The following CD84 variants were observed in gnomAD, a reference collection of about 807,000 sequenced individuals.
CD84 encodes the protein CD84 molecule, also known as SLAM family member 5.
A neutral mutation model predicts 33.8 loss-of-function variants in CD84; 22 were observed. The ratio of observed to expected loss-of-function variants is 0.65; its 90% confidence interval spans 0.46 to 0.93. The LOEUF (loss-of-function observed/expected upper bound fraction) is 0.93, where lower values mean the gene tolerates loss of function less well. Among genes scored for constraint, CD84 ranks in the 40% least tolerant of loss-of-function variants. CD84 has a pLI of 0.00. For missense variants in CD84, 400 were observed against 397.6 expected (o/e 1.01, Z -0.05); for synonymous variants, 154 against 145.2 (o/e 1.06, Z -0.44).
intron 1 of CD84, among the ~76,000 whole-genome samples, chr1:160,573,898 A>G (rs186641894): frequency 1.1e-4 from 16 of 152,218 alleles, no homozygotes; most frequent in Admixed American, 2.0e-4. Context: ...CCAGCCTGGG[A>G]AACACAATGA....
intron 1 of CD84, among the ~76,000 whole-genome samples, chr1:160,576,123 G>A (rs1657979798): frequency 6.6e-6 from 1 of 152,092 alleles, no homozygotes; most frequent in African/African-American, 2.4e-5. Flanking sequence ...ACCCCTCAAT[G>A]CAAGGACTTC....
At position 160,569,829 on chromosome 1, in the gene CD84, A is replaced by G. The variant is rs542909994; in HGVS notation, c.47-4084T>C. Reference sequence around the variant, plus strand: ...AACCTGTGATGTTAATTGGATGAATATAGATTTGCATATCAGAGTGGGGAG... The same window carrying G: ...AACCTGTGATGTTAATTGGATGAATGTAGATTTGCATATCAGAGTGGGGAG... On this transcript the variant is annotated intron_variant, in intron 1 of 6. Transcript: ENST00000368054. Among the ~76,000 whole-genome samples, 38 of 152,330 alleles carry G rather than the reference A, an allele frequency of 2.5e-4. 1 individual carries two copies. In the South Asian group the frequency reaches 6.8e-3, roughly 27 times the overall value.
At chr1:160,565,814 C>T in intron 1 of CD84, 69 bp from the exon 2 acceptor site, 7 of 1,350,260 alleles carry the variant, frequency 5.2e-6, no homozygotes, top group Non-Finnish European at 6.9e-6. Flanking sequence ...ATCTTTTTGG[C>T]CTTGGAGCTC....
In CD84 at chr1:160,579,472, G is replaced by A. The variant is rs747083023; in HGVS notation, c.-35C>T. 22 of 1,611,854 alleles carry A rather than the reference G, an allele frequency of 1.4e-5. No homozygotes were observed. Among genetic ancestry groups the A allele is most frequent in the South Asian group, 5.5e-5 (5 of 90,870 alleles). On this transcript the variant is annotated 5_prime_UTR_variant, in exon 1 of 7. Coordinates refer to ENST00000368054, the MANE Select transcript of CD84 (RefSeq NM_003874.4). Reference sequence around the variant, plus strand: ...GGTCTAACCTTCTGTGGAAAAGCACGGCACTGTTCTAGCAGAGTCAGTTTC... The same window carrying A: ...GGTCTAACCTTCTGTGGAAAAGCACAGCACTGTTCTAGCAGAGTCAGTTTC...
chr1:160,574,733 C>T (rs1657895407), intron 1 of CD84, among the ~76,000 whole-genome samples: 1 of 152,134 alleles, frequency 6.6e-6, no homozygotes, highest in Admixed American at 6.6e-5. Context: ...AGTCAGTAAC[C>T]TCTCTGTGCC....
intron 5 of CD84, 147 bp from the exon 6 acceptor site, chr1:160,550,126 A>G: frequency 1.5e-6 from 1 of 682,026 alleles, no homozygotes; most frequent in Non-Finnish European, 2.7e-6. Flanking sequence ...CCTCCATCCA[A>G]CTCTGGAGAG....
In CD84 at chr1:160,546,029, C is replaced by T. The variant is rs539041458; in HGVS notation, c.*2227G>A. 2 of 150,908 alleles carry T rather than the reference C, an allele frequency of 1.3e-5. No homozygotes were observed. Among genetic ancestry groups the T allele is most frequent in the East Asian group, 2.0e-4 (1 of 5,112 alleles). 9.3% of individuals were successfully genotyped at this position (150,908 alleles called of 1,614,324 possible). On this transcript the variant is annotated 3_prime_UTR_variant, in exon 7 of 7. Transcript: ENST00000368054. Reference sequence around the variant, plus strand: ...CGAGATGGAGTCTCACTCTGTCTCTCCCAGGCTGGAGTGCAGTGGTGTGAT... The same window carrying T: ...CGAGATGGAGTCTCACTCTGTCTCTTCCAGGCTGGAGTGCAGTGGTGTGAT...
rs1655862043 is a variant in CD84, at chr1:160,546,911, G to A, written c.*1345C>T. 2.6e-6 allele frequency: 1 copy of A among 386,258 alleles called. No individual in the cohort carries two copies. The allele number at this position is 386,258 out of a possible 1,614,324, so 23.9% of individuals were successfully genotyped here. A position where few individuals can be genotyped will look rare whatever the true frequency, so the allele number is the denominator to read the frequency against. ...GTAGTTGGTGCTAGATGAGTCTATGGATTCATTTACTGGGACTGATGTCTT... is the reference window on the plus strand; with the variant it reads ...GTAGTTGGTGCTAGATGAGTCTATGAATTCATTTACTGGGACTGATGTCTT... On this transcript the variant is annotated 3_prime_UTR_variant, in exon 7 of 7. Coordinates refer to ENST00000368054, the MANE Select transcript of CD84 (RefSeq NM_003874.4).
In CD84 at chr1:160,548,267, T is replaced by C. The variant is rs781758533; in HGVS notation, c.976A>G (p.Ile326Val). Residue 326 changes from isoleucine to valine, a missense_variant, in exon 7 of 7, where the codon ATT becomes GTT. By Grantham distance (29) the Ile-to-Val change is conservative. Transcript: ENST00000368054. Reference sequence around the variant, plus strand: ...TTCAGCCCAGCAGCCTAGATCACAATTTCATAGCTTGAAGTCCCAGGAGGT... The same window carrying C: ...TTCAGCCCAGCAGCCTAGATCACAACTTCATAGCTTGAAGTCCCAGGAGGT... ...SKPPGTSSYE[I>V]VI 6.2e-7 allele frequency: 1 copy of C among 1,614,056 alleles called. No homozygotes were observed. Among genetic ancestry groups the C allele is most frequent in the Non-Finnish European group, 8.5e-7 (1 of 1,180,032 alleles).
chr1:160,563,820 G>C (rs553408610), intron 2 of CD84, among the ~76,000 whole-genome samples: 1 of 152,138 alleles, frequency 6.6e-6, no homozygotes, highest in South Asian at 2.1e-4. Context: ...TCAAGATCTG[G>C]TATGAATTTT....
rs187454102 is a variant in CD84, at chr1:160,558,780, T to A, written c.389-4634A>T. Among the ~76,000 whole-genome samples the A allele has an allele frequency of 5.1e-4, 78 of 152,232 alleles. 1 individual carries two copies. Among genetic ancestry groups the A allele is most frequent in the South Asian group, 5.0e-3 (24 of 4,824 alleles). ...GAGCTGATAGCCAGAATAGCCAGTT[T>A]AGAGAGGAACAAAACCGACCTGATG... is the stretch of plus-strand genomic sequence containing the variant. On this transcript the variant is annotated intron_variant, in intron 2 of 6. Transcript: ENST00000368054.
Position 160,565,639 on chromosome 1 carries a change from G to C in CD84, c.153C>G (p.Ile51Met). ...CAGATGTTTTAGAAGTCCAAGCAATGATTTTAACTTGCCGTGGTTCTTGGA... is the reference window on the plus strand; with the variant it reads ...CAGATGTTTTAGAAGTCCAAGCAATCATTTTAACTTGCCGTGGTTCTTGGA... ...VNIQEPRQVK[I>M]IAWTSKTSVA... The change falls in exon 2 of 7, where the codon ATC becomes ATG. Residue 51 changes from isoleucine (I) to methionine (M), a missense_variant. By Grantham distance (10) the Ile-to-Met change is conservative. Coordinates refer to ENST00000368054, the MANE Select transcript of CD84 (RefSeq NM_003874.4). The C allele has an allele frequency of 1.2e-6, 2 of 1,613,970 alleles. No individual in the cohort carries two copies. The highest frequency in any genetic ancestry group is 1.7e-6 in the Non-Finnish European group (2 of 1,179,906).
At chr1:160,554,477 A>G (rs1351534320) in intron 2 of CD84, among the ~76,000 whole-genome samples, 1 of 152,184 alleles carries the variant, frequency 6.6e-6, no homozygotes, top group East Asian at 1.9e-4. Flanking sequence ...GAAATTTGCA[A>G]TTGCTATAAG....
intron 4 of CD84, among the ~76,000 whole-genome samples, chr1:160,551,820 C>T (rs1184632122): frequency 6.6e-6 from 1 of 152,234 alleles, no homozygotes; most frequent in Admixed American, 6.5e-5. Flanking sequence ...GCTGGGATTA[C>T]AGGCATGAGC....
intron 1 of CD84, among the ~76,000 whole-genome samples, chr1:160,579,012 C>T (rs1658137119): frequency 6.6e-6 from 1 of 152,106 alleles, no homozygotes; most frequent in Non-Finnish European, 1.5e-5. Flanking sequence ...CTCTCAAACG[C>T]CATCACAATT....
intron 1 of CD84, among the ~76,000 whole-genome samples, chr1:160,566,776 C>A (rs183617484): frequency 6.6e-6 from 1 of 152,170 alleles, no homozygotes; most frequent in Non-Finnish European, 1.5e-5. Context: ...ATCGAGGGAA[C>A]ATTTCCTAGT....
chr1:160,577,479 A>G lies in CD84; in HGVS notation c.46+1913T>C, dbSNP rs138708982. On this transcript the variant is annotated intron_variant, in intron 1 of 6. Coordinates refer to ENST00000368054, the MANE Select transcript of CD84 (RefSeq NM_003874.4). ...TTCACTTTTATAAAAACAAGCTCCC[A>G]TTCCCCTTTCATGGATCCTTGATGA... Among the ~76,000 whole-genome samples, 45 of 152,284 alleles carry G rather than the reference A, an allele frequency of 3.0e-4. 1 individual carries two copies. Among genetic ancestry groups the G allele is most frequent in the Non-Finnish European group, 5.7e-4 (39 of 68,000 alleles).
chr1:160,565,501 G>A lies in CD84; in HGVS notation c.291C>T (p.Ser97=), dbSNP rs777137582. 10 of 1,613,750 alleles carry A rather than the reference G, an allele frequency of 6.2e-6. No homozygotes were observed. The African/African-American group carries it at 8.0e-5, about 13-fold the overall frequency. Residue 97 remains serine, a synonymous_variant, in exon 2 of 7, where the codon AGC becomes AGT. Coordinates refer to ENST00000368054, the MANE Select transcript of CD84 (RefSeq NM_003874.4). ...CTCCTGCGTCTTCCATCCTCAGATCGCTAATGACCAGATTGTAGTTCGGAC... is the reference window on the plus strand; with the variant it reads ...CTCCTGCGTCTTCCATCCTCAGATCACTAATGACCAGATTGTAGTTCGGAC... ...ALGPNYNLVI[S]DLRMEDAGDY...
intron 1 of CD84, among the ~76,000 whole-genome samples, chr1:160,570,443 G>C (rs1657619858): frequency 6.6e-6 from 1 of 152,006 alleles, no homozygotes; most frequent in Non-Finnish European, 1.5e-5. Flanking sequence ...TTTTTAGCAG[G>C]GCATAGAGCC....
Sources: gnomAD v4.1 joint callset for allele counts (sites outside exome capture counted in the v4.1 genomes callset) on GRCh38, gnomAD v4.1.1 for gene constraint, MANE v1.5 for transcripts, NCBI Gene and HGNC (gene_info 2026-07-23, HGNC 2026-07-21) for gene names.